TEX15: variants seen among roughly 807,000 people sequenced by gnomAD.
The protein encoded by TEX15 is testis-expressed protein 15.
TEX15 carries 171 observed loss-of-function variants against 237.3 expected under a neutral mutation model. The ratio of observed to expected loss-of-function variants is 0.72; its 90% CI spans 0.64 to 0.82. TEX15 has a LOEUF of 0.82. Ranked by LOEUF, TEX15 falls within the 40% of genes least tolerant of loss-of-function variation. TEX15 has a pLI of 0.00. For missense variants in TEX15, 3,750 were observed against 3,646.5 expected (o/e 1.03, Z -0.73); for synonymous variants, 1,338 against 1,269.8 (o/e 1.05, Z -1.14).
At chr8:30,871,648 CT>C (rs1465111507) in intron 4 of TEX15, among the ~76,000 whole-genome samples, 1 of 152,100 alleles carries the variant, frequency 6.6e-6, no homozygotes, top group Admixed American at 6.6e-5. Context: ...TTTGGCTACG[CT>C]TTTTCACACA....
intron 1 of TEX15, among the ~76,000 whole-genome samples, chr8:30,910,352 G>T (rs531676397): frequency 6.6e-6 from 1 of 152,210 alleles, no homozygotes; most frequent in Admixed American, 6.5e-5. Context: ...TAGCTGCTAG[G>T]ATTAAAATTT....
chr8:30,878,473 T>G (rs540935917), intron 3 of TEX15, among the ~76,000 whole-genome samples: 29 of 152,114 alleles, frequency 1.9e-4, no homozygotes, highest in Non-Finnish European at 4.0e-4. Context: ...AACCTCTGCC[T>G]CTCGGGTTCA....
chr8:30,859,365 A>C (rs951580132), intron 6 of TEX15, among the ~76,000 whole-genome samples: 2 of 152,060 alleles, frequency 1.3e-5, no homozygotes, highest in African/African-American at 2.4e-5. Context: ...ACTTTTGCAA[A>C]GTATAGAAGA....
chr8:30,858,747 T>C lies in TEX15; in HGVS notation c.771A>G (p.Lys257=). 1 of 1,535,752 alleles carries C rather than the reference T, an allele frequency of 6.5e-7. No individual in the cohort carries two copies. The highest frequency in any genetic ancestry group is 8.7e-7 in the Non-Finnish European group (1 of 1,146,658). ...QCLPYAVVTV[K]FLGSKVDNGR... ...CATTATCTACTTTTGAACCAAGAAA[T>C]TTTACTGTTACTACAGCATATGGAA... Residue 257 remains lysine, a synonymous_variant, in exon 7 of 11, where the codon AAA becomes AAG. Transcript: ENST00000643185.
At chr8:30,893,818 C>A (rs1351784239) in intron 2 of TEX15, among the ~76,000 whole-genome samples, 1 of 152,168 alleles carries the variant, frequency 6.6e-6, no homozygotes, top group Admixed American at 6.5e-5. Flanking sequence ...CTTCTTATAT[C>A]TAACTTTTGG....
chr8:30,895,311 A>G (rs1808877355), intron 2 of TEX15, among the ~76,000 whole-genome samples: 2 of 151,554 alleles, frequency 1.3e-5, no homozygotes, highest in Non-Finnish European at 2.9e-5. Flanking sequence ...AAAAAAAAAA[A>G]AAAAAAAAAA....
chr8:30,837,310 C>T lies in TEX15; in HGVS notation c.8974G>A (p.Ala2992Thr), dbSNP rs773620587. ...GHITLNVNQG[A>T]EYSLSEQQND... ...TGTTGTTCAGAAAGAGAGTACTCTG[C>T]TCCTTGATTCACATTAAGGGTTATA... The change falls in exon 10 of 11, where the codon GCA becomes ACA. Residue 2992 changes from alanine to threonine, a missense_variant. Ala to Thr is a moderately conservative substitution (Grantham distance 58). Transcript: ENST00000643185. 6.2e-7 allele frequency: 1 copy of T among 1,614,170 alleles called. No individual in the cohort carries two copies. The highest frequency in any genetic ancestry group is 8.5e-7 in the Non-Finnish European group (1 of 1,180,022).
intron 2 of TEX15, among the ~76,000 whole-genome samples, chr8:30,889,938 T>TATATATATATACAC (rs1554502289): frequency 7.8e-6 from 1 of 128,158 alleles, no homozygotes; most frequent in African/African-American, 3.6e-5. Context: ...TATATACATA[T>TATATATATATACAC]ATATATATAT....
At chr8:30,893,554 T>A (rs1288891975) in intron 2 of TEX15, among the ~76,000 whole-genome samples, 5 of 152,360 alleles carry the variant, frequency 3.3e-5, no homozygotes, top group East Asian at 3.8e-4. Flanking sequence ...TTAAAGGGAA[T>A]GTTTTAAATT....
chr8:30,873,064 A>C (rs1031562803), intron 4 of TEX15, among the ~76,000 whole-genome samples: 4 of 152,164 alleles, frequency 2.6e-5, no homozygotes, highest in Non-Finnish European at 2.9e-5. Flanking sequence ...ATGTTTACAC[A>C]ATGACGAAAT....
chr8:30,833,487 A>G (rs1807225921), intron 10 of TEX15, among the ~76,000 whole-genome samples, 164 bp from the exon 11 acceptor site: 1 of 152,208 alleles, frequency 6.6e-6, no homozygotes, highest in African/African-American at 2.4e-5. Flanking sequence ...AGTTAATTTA[A>G]GGCTCTCTGA....
In TEX15 at chr8:30,845,527, T is replaced by C. The variant is rs773785653; in HGVS notation, c.4640A>G (p.His1547Arg). The C allele has an allele frequency of 6.2e-7, 1 of 1,613,688 alleles. No homozygotes were observed. The highest frequency in any genetic ancestry group is 1.3e-5 in the African/African-American group (1 of 75,032). ...SVSNPSLSEE[H>R]QPFSGKTAYL... ...TGCAGTTTTTCCAGAAAAGGGCTGA[T>C]GTTCTTCTGATAAACTTGGATTGCT... The change falls in exon 8 of 11, where the codon CAT becomes CGT. Residue 1547 changes from histidine (H) to arginine (R), a missense_variant. Physicochemically the swap from His to Arg is conservative, Grantham distance 29 (BLOSUM62 0). Coordinates refer to ENST00000643185, the MANE Select transcript of TEX15 (RefSeq NM_001350162.2).
chr8:30,833,908 A>G (rs376032916), intron 10 of TEX15, among the ~76,000 whole-genome samples: 2 of 152,216 alleles, frequency 1.3e-5, no homozygotes, highest in Non-Finnish European at 1.5e-5. Flanking sequence ...TTTGAGAGCC[A>G]TAGCTGGACT....
chr8:30,836,791 T>A lies in TEX15; in HGVS notation c.9481+12A>T, dbSNP rs111243018. 6.4e-7 allele frequency: 1 copy of A among 1,572,652 alleles called. No homozygotes were observed. The highest frequency in any genetic ancestry group is 1.2e-5 in the South Asian group (1 of 83,254). ...CAACTCAATAAAGCAGGCATTAAAA[T>A]GTGAAACTCACCATAAACCCAAGGA... On this transcript the variant is annotated intron_variant, in intron 10 of 10. Coordinates refer to ENST00000643185, the MANE Select transcript of TEX15 (RefSeq NM_001350162.2).
intron 1 of TEX15, among the ~76,000 whole-genome samples, chr8:30,912,611 T>C (rs1340099673): frequency 1.3e-5 from 2 of 152,226 alleles, no homozygotes; most frequent in African/African-American, 4.8e-5. Context: ...CCCGCGCATC[T>C]GAGGAAAGCT....
chr8:30,879,938 TAA>T (rs35862520), intron 3 of TEX15, among the ~76,000 whole-genome samples: 10,578 of 117,684 alleles, frequency 0.09, 516 homozygotes, highest in African/African-American at 0.23. Flanking sequence ...TTTTTTTTTT[TAA>T]AAAAAAAAAT....
At position 30,849,329 on chromosome 8, in the gene TEX15, TAAGG is replaced by T; in HGVS notation, c.851-17_851-14del. On this transcript the variant is annotated splice_polypyrimidine_tract_variant and intron_variant, in intron 7 of 10. Transcript: ENST00000643185. ...GAGCATGTCCTTTCTGTGGAAATAATAAGGAAGACAAATTTGAAAAAAAGTGTTT... is the reference window on the plus strand; with the variant it reads ...GAGCATGTCCTTTCTGTGGAAATAATAAGACAAATTTGAAAAAAAGTGTTT... 6.8e-7 allele frequency: 1 copy of T among 1,462,426 alleles called. No individual in the cohort carries two copies. Among genetic ancestry groups the T allele is most frequent in the Non-Finnish European group, 9.0e-7 (1 of 1,106,182 alleles). The allele number at this position is 1,462,426 out of a possible 1,614,324, so 90.6% of individuals were successfully genotyped here.
At position 30,833,392 on chromosome 8, in the gene TEX15, A is replaced by G. The variant is rs181916363; in HGVS notation, c.9482-69T>C. ...CTAATGGTACATGATACTATAGTGG[A>G]AAGAACCTGAGTTTAAATTACAGCT... is the stretch of plus-strand genomic sequence containing the variant. On this transcript the variant is annotated intron_variant, in intron 10 of 10. Transcript: ENST00000643185. 12 of 1,211,694 alleles carry G rather than the reference A, an allele frequency of 9.9e-6. No individual in the cohort carries two copies. In the Admixed American group the frequency reaches 2.6e-4, roughly 26 times the overall value. The allele number at this position is 1,211,694 out of a possible 1,614,324, so 75.1% of individuals were successfully genotyped here.
In TEX15 at chr8:30,843,001, T is replaced by A. The variant is rs1481816944; in HGVS notation, c.7166A>T (p.Asp2389Val). The A allele has an allele frequency of 6.2e-7, 1 of 1,613,472 alleles. No homozygotes were observed. Among genetic ancestry groups the A allele is most frequent in the Admixed American group, 1.7e-5 (1 of 59,978 alleles). Residue 2389 changes from aspartate (D) to valine (V), a missense_variant, in exon 8 of 11, where the codon GAT becomes GTT. Physicochemically the swap from Asp to Val is radical, Grantham distance 152. Coordinates refer to ENST00000643185, the MANE Select transcript of TEX15 (RefSeq NM_001350162.2). ...GTGATCTGTACATCTCAAGGTGAGATCCTGTAATTTTTTAAGGTCTGCAAA... is the reference window on the plus strand; with the variant it reads ...GTGATCTGTACATCTCAAGGTGAGAACCTGTAATTTTTTAAGGTCTGCAAA... ...AEFADLKKLQ[D>V]LTLRCTDHLE...
Sources: allele counts gnomAD v4.1 joint callset (sites outside exome capture counted in the v4.1 genomes callset), GRCh38; gene constraint gnomAD v4.1.1; transcripts MANE v1.5; gene names NCBI Gene and HGNC (gene_info 2026-07-23, HGNC 2026-07-21).